The following OR2I1 variants were observed in gnomAD, a reference collection of about 807,000 sequenced individuals.
OR2I1 encodes putative olfactory receptor 2I1.
the OR2I1 span, chr6:29,554,774 G>T: frequency 1.3e-5 from 2 of 152,284 alleles, no homozygotes; most frequent in Admixed American, 1.3e-4. Context: ...GATGAGTGTG[G>T]AAGAAGGCGG....
chr6:29,553,370 A>T, the OR2I1 span: 39 of 398,998 alleles, frequency 9.8e-5, no homozygotes, highest in Middle Eastern at 6.2e-4. Context: ...GCGGTGCGCG[A>T]CCCGCGCCTG....
chr6:29,554,968 G>A, the OR2I1 span: 1 of 152,294 alleles, frequency 6.6e-6, no homozygotes, highest in African/African-American at 2.4e-5. Context: ...TGCTCAATCA[G>A]CAGAACCTGA....
the OR2I1 span, chr6:29,550,945 T>C: frequency 6.6e-6 from 1 of 152,200 alleles, no homozygotes; most frequent in African/African-American, 2.4e-5. Context: ...TGATGACACA[T>C]TATATTATAT....
chr6:29,556,581 A>G, the OR2I1 span: 1 of 520,176 alleles, frequency 1.9e-6, no homozygotes, highest in African/African-American at 1.9e-5. Flanking sequence ...TTCGATCTTG[A>G]GAATGGAAAA....
the OR2I1 span, chr6:29,554,323 A>C: frequency 2.5e-6 from 1 of 393,366 alleles, no homozygotes; most frequent in Admixed American, 4.5e-5. Context: ...CCCGTGAGGA[A>C]ATGTTTAGTT....
chr6:29,551,294 C>A, the OR2I1 span, among the ~76,000 whole-genome samples: 1 of 152,202 alleles, frequency 6.6e-6, no homozygotes, highest in South Asian at 2.1e-4. Context: ...ATAAAATGAT[C>A]TATAAATATA....
the OR2I1 span, chr6:29,553,371 C>T: frequency 2.5e-6 from 1 of 399,330 alleles, no homozygotes. Context: ...CGGTGCGCGA[C>T]CCGCGCCTGC....
At chr6:29,556,018 C>G in the OR2I1 span, 1 of 1,613,144 alleles carries the variant, frequency 6.2e-7, no homozygotes, top group Non-Finnish European at 8.5e-7. Context: ...CCGTCTTAGT[C>G]TCGATCATTG....
the OR2I1 span, chr6:29,553,075 G>A: frequency 2.5e-6 from 1 of 397,340 alleles, no homozygotes. Flanking sequence ...ATCTGTAAAT[G>A]GGATTACAAT....
the OR2I1 span, chr6:29,556,617 G>A: frequency 2.1e-6 from 1 of 477,304 alleles, no homozygotes; most frequent in African/African-American, 2.0e-5. Context: ...CCAACCAACT[G>A]AACGGACGCT....
chr6:29,555,664 TACATTAGTAAAAATCATGTC>T, the OR2I1 span: 1 of 568,046 alleles, frequency 1.8e-6, no homozygotes, highest in Non-Finnish European at 3.1e-6. Flanking sequence ...GTCTCAGTAA[TACATTAGTAAAAATCATGTC>T]ACTTAATTAA....
At chr6:29,552,533 G>A in the OR2I1 span, among the ~76,000 whole-genome samples, 18 of 151,912 alleles carry the variant, frequency 1.2e-4, no homozygotes, top group Admixed American at 1.3e-4. Context: ...GGTTGTGTTA[G>A]AAAGTAAACT....
the OR2I1 span, chr6:29,550,723 G>A: frequency 6.6e-6 from 1 of 152,016 alleles, no homozygotes; most frequent in Non-Finnish European, 1.5e-5. Context: ...AATCAACACA[G>A]CTATGCAATT....
the OR2I1 span, chr6:29,556,510 A>G: frequency 8.6e-6 from 5 of 581,294 alleles, no homozygotes; most frequent in Non-Finnish European, 1.2e-5. Context: ...CTTTTTTGGA[A>G]TTACCAAGTT....
At chr6:29,557,379 G>A in the OR2I1 span, 7 of 152,200 alleles carry the variant, frequency 4.6e-5, no homozygotes, top group African/African-American at 1.7e-4. Flanking sequence ...CCTGATAAGA[G>A]ACCACTGACC....
chr6:29,554,179 G>C, the OR2I1 span: 3 of 398,692 alleles, frequency 7.5e-6, no homozygotes, highest in African/African-American at 2.1e-5. Context: ...AGTTGGGGAG[G>C]GGAGAAAGTA....
At chr6:29,553,424 A>T in the OR2I1 span, 4 of 398,856 alleles carry the variant, frequency 1.0e-5, no homozygotes, top group Admixed American at 8.8e-5. Context: ...GCCTTGGTAG[A>T]CGCGGGCTTC....
At chr6:29,553,601 C>T in the OR2I1 span, 3 of 398,274 alleles carry the variant, frequency 7.5e-6, no homozygotes, top group African/African-American at 6.2e-5. Context: ...GTGTGCCGCC[C>T]GCTGCGCTAT....
Sources: gnomAD v4.1 joint callset for allele counts (sites outside exome capture counted in the v4.1 genomes callset) on GRCh38, gnomAD v4.1.1 for gene constraint, MANE v1.5 for transcripts, NCBI Gene and HGNC (gene_info 2026-07-23, HGNC 2026-07-21) for gene names.